Variants in NKAIN1 observed in about 807,000 individuals in gnomAD.
NKAIN1 encodes the protein sodium/potassium transporting ATPase interacting 1, also known as sodium/potassium-transporting ATPase subunit beta-1-interacting protein 1.
A neutral mutation model predicts 31.6 loss-of-function variants in NKAIN1; 13 were observed. The observed-to-expected ratio is 0.41, with a 90% CI of 0.27 to 0.65. The LOEUF (loss-of-function observed/expected upper bound fraction) is 0.65, where lower values mean the gene tolerates loss of function less well. NKAIN1 is among the 30% of genes least tolerant of loss of function. The probability of loss-of-function intolerance (pLI) is 0.30; values close to 1 mark genes in which losing one functional copy is unlikely to be tolerated. For synonymous variants in NKAIN1, 104 were observed against 109.0 expected (o/e 0.95, Z 0.28); for missense variants, 193 against 262.2 (o/e 0.74, Z 1.82).
chr1:31,190,139 G>A (rs1362547723), intron 1 of NKAIN1, among the ~76,000 whole-genome samples: 2 of 152,208 alleles, frequency 1.3e-5, no homozygotes, highest in Non-Finnish European at 2.9e-5. Context: ...TTCAGATAAA[G>A]TGAGAAGATA....
At chr1:31,214,369 C>T (rs1364065708) in intron 1 of NKAIN1, among the ~76,000 whole-genome samples, 1 of 150,678 alleles carries the variant, frequency 6.6e-6, no homozygotes, top group South Asian at 2.1e-4. Flanking sequence ...GTGATGGCTG[C>T]ACAACTTTAT....
chr1:31,185,237 T>C lies in NKAIN1; in HGVS notation c.273+10A>G. 6.2e-7 allele frequency: 1 copy of C among 1,602,832 alleles called. No homozygotes were observed. The highest frequency in any genetic ancestry group is 8.5e-7 in the Non-Finnish European group (1 of 1,173,804). ...CTCTGCCCTATGGCACTGCCAGGTCTGAGGCTTACCTGGGACAGCTGTCCA... is the reference window on the plus strand; with the variant it reads ...CTCTGCCCTATGGCACTGCCAGGTCCGAGGCTTACCTGGGACAGCTGTCCA... On this transcript the variant is annotated intron_variant, in intron 3 of 6. Coordinates refer to ENST00000373736, the MANE Select transcript of NKAIN1 (RefSeq NM_024522.3).
intron 1 of NKAIN1, among the ~76,000 whole-genome samples, chr1:31,190,925 A>G (rs1050096611): frequency 6.6e-6 from 1 of 152,156 alleles, no homozygotes; most frequent in African/African-American, 2.4e-5. Context: ...GAAGGTCTCC[A>G]TCAGAGGACG....
chr1:31,212,630 C>T (rs1423565086), intron 1 of NKAIN1, among the ~76,000 whole-genome samples: 2 of 152,082 alleles, frequency 1.3e-5, no homozygotes, highest in East Asian at 3.9e-4. Context: ...GTCTCGAACT[C>T]CTGAGCTCAA....
At chr1:31,203,792 C>T (rs1645403165) in intron 1 of NKAIN1, among the ~76,000 whole-genome samples, 1 of 152,088 alleles carries the variant, frequency 6.6e-6, no homozygotes, top group Admixed American at 6.6e-5. Context: ...ACTATGTTGG[C>T]CAGGCTAGTC....
In NKAIN1 at chr1:31,183,356, C is replaced by T. The variant is rs184462749; in HGVS notation, c.471+461G>A. 6.3e-4 allele frequency among the ~76,000 whole-genome samples: 93 copies of T among 147,178 alleles called. 1 individual carries two copies. The highest frequency in any genetic ancestry group is 2.2e-3 in the African/African-American group (87 of 39,316). On this transcript the variant is annotated intron_variant, in intron 4 of 6. Transcript: ENST00000373736. ...TCACTCTGCACAGGGGCTGGGGCAG[C>T]GGTGAGGGAAGACGGTACAGGATAT...
chr1:31,193,904 G>T (rs1427098002), intron 1 of NKAIN1: 2 of 152,146 alleles, frequency 1.3e-5, no homozygotes, highest in Non-Finnish European at 2.9e-5. Context: ...TACTTAGAAG[G>T]CAGGAACTGT....
chr1:31,191,636 G>C (rs1157881199), intron 1 of NKAIN1, among the ~76,000 whole-genome samples: 1 of 152,010 alleles, frequency 6.6e-6, no homozygotes, highest in African/African-American at 2.4e-5. Flanking sequence ...TTAATAGAAG[G>C]CTTAACAGTC....
chr1:31,193,218 G>A (rs1196630759), intron 1 of NKAIN1, among the ~76,000 whole-genome samples: 6 of 151,296 alleles, frequency 4.0e-5, no homozygotes, highest in African/African-American at 9.7e-5. Context: ...ACAGGCGCCC[G>A]CCACCACGCC....
Position 31,195,124 on chromosome 1 carries a change from C to CTT in NKAIN1, c.55-6939_55-6938dup, listed in dbSNP as rs112786243. 4.1e-4 allele frequency among the ~76,000 whole-genome samples: 52 copies of CTT among 125,438 alleles called. 1 individual carries two copies. Among genetic ancestry groups the CTT allele is most frequent in the East Asian group, 2.5e-3 (10 of 3,948 alleles). 82.3% of individuals were successfully genotyped at this position (125,438 alleles called of 152,430 possible). A position where few individuals can be genotyped will look rare whatever the true frequency, so the allele number is the denominator to read the frequency against. ...TCTCTTCTCTATATATTCCTTCCTC[C>CTT]TTTTTTTTTTTTTTTTTGAGTCTCG... is the stretch of plus-strand genomic sequence containing the variant. On this transcript the variant is annotated intron_variant, in intron 1 of 6. Transcript: ENST00000373736.
chr1:31,238,718 G>T lies in NKAIN1; in HGVS notation c.54+776C>A, dbSNP rs367546810. The stretch of plus-strand genomic sequence containing the variant: ...TGTTGCTGGCCCCGGCAGAGGAGCT[G>T]CTCTGGTGGGTGGAACTGATGACTG... On this transcript the variant is annotated intron_variant, in intron 1 of 6. Transcript: ENST00000373736. 5.9e-5 allele frequency among the ~76,000 whole-genome samples: 9 copies of T among 152,280 alleles called. No homozygotes were observed. The East Asian group carries it at 1.7e-3, about 29-fold the overall frequency.
At chr1:31,238,323 T>TG (rs992727868) in intron 1 of NKAIN1, among the ~76,000 whole-genome samples, 5 of 152,112 alleles carry the variant, frequency 3.3e-5, no homozygotes, top group Admixed American at 3.3e-4. Flanking sequence ...GCGTGATGGA[T>TG]GCAGGCAAGA....
chr1:31,236,638 C>T (rs999158545), intron 1 of NKAIN1, among the ~76,000 whole-genome samples: 8 of 152,172 alleles, frequency 5.3e-5, no homozygotes, highest in African/African-American at 1.9e-4. Flanking sequence ...TTTCAAGTTC[C>T]TCCCGCAAAT....
chr1:31,183,623 T>C (rs1293581609), intron 4 of NKAIN1, among the ~76,000 whole-genome samples, 194 bp downstream of exon 4: 73 of 151,992 alleles, frequency 4.8e-4, no homozygotes, highest in Admixed American at 4.8e-3. Context: ...TAATTTTGTA[T>C]TTTTAGTAGA....
At position 31,180,822 on chromosome 1, in the gene NKAIN1, A is replaced by C. The variant is rs1487583933; in HGVS notation, c.*881T>G. ...TGGGGCTGAATTTGGGGCTTCATCC[A>C]TCCAGTTCCCAATAAGAGAACGAAT... On this transcript the variant is annotated 3_prime_UTR_variant, in exon 7 of 7. Coordinates refer to ENST00000373736, the MANE Select transcript of NKAIN1 (RefSeq NM_024522.3). The C allele has an allele frequency of 2.0e-5, 3 of 152,334 alleles. No homozygotes were observed. Among genetic ancestry groups the C allele is most frequent in the Non-Finnish European group, 2.9e-5 (2 of 68,098 alleles). 9.4% of individuals were successfully genotyped at this position (152,334 alleles called of 1,614,324 possible).
intron 1 of NKAIN1, among the ~76,000 whole-genome samples, chr1:31,208,529 T>G (rs1645441170): frequency 6.6e-6 from 1 of 152,084 alleles, no homozygotes; most frequent in South Asian, 2.1e-4. Flanking sequence ...GAAGCCTACC[T>G]GCCTTCACAG....
intron 1 of NKAIN1, among the ~76,000 whole-genome samples, chr1:31,196,003 C>T (rs1171943937): frequency 2.0e-5 from 3 of 152,144 alleles, no homozygotes; most frequent in Non-Finnish European, 4.4e-5. Flanking sequence ...CCTTCCCTGC[C>T]ACTCGATCTG....
At chr1:31,219,294 CA>C (rs1645543685) in intron 1 of NKAIN1, among the ~76,000 whole-genome samples, 1 of 152,248 alleles carries the variant, frequency 6.6e-6, no homozygotes, top group South Asian at 2.1e-4. Flanking sequence ...GTCTCATACG[CA>C]GGTCTGGATC....
At chr1:31,230,691 A>C (rs1199801731) in intron 1 of NKAIN1, among the ~76,000 whole-genome samples, 2 of 152,068 alleles carry the variant, frequency 1.3e-5, no homozygotes, top group Non-Finnish European at 2.9e-5. Flanking sequence ...CATGGCCTGG[A>C]TCTAGTGTTC....
Sources: gnomAD v4.1 joint callset for allele counts (sites outside exome capture counted in the v4.1 genomes callset) on GRCh38, gnomAD v4.1.1 for gene constraint, MANE v1.5 for transcripts, NCBI Gene and HGNC (gene_info 2026-07-23, HGNC 2026-07-21) for gene names.